Variants in MAP1LC3B observed in about 807,000 individuals in gnomAD.
MAP1LC3B encodes the protein microtubule-associated protein 1 light chain 3 beta.
In MAP1LC3B, 12 loss-of-function variants were observed where a neutral mutation model predicts 16.7. The observed-to-expected ratio is 0.72, with a 90% confidence interval of 0.46 to 1.16. The LOEUF is 1.16. Among genes scored for constraint, MAP1LC3B ranks in the 50% most tolerant of loss-of-function variants. The pLI, the probability that MAP1LC3B is intolerant of heterozygous loss-of-function variation, is 0.00. For synonymous variants in MAP1LC3B, 63 were observed against 56.5 expected (o/e 1.11, Z -0.51); for missense variants, 155 against 159.5 (o/e 0.97, Z 0.15).
Position 87,403,091 on chromosome 16 carries a change from A to T in MAP1LC3B, c.372A>T (p.Ser124=), listed in dbSNP as rs1908053622. 6.2e-7 allele frequency: 1 copy of T among 1,603,760 alleles called. No homozygotes were observed. Residue 124 remains serine, a synonymous_variant, in exon 4 of 4, where the codon TCA becomes TCT. Coordinates refer to ENST00000268607, the MANE Select transcript of MAP1LC3B (RefSeq NM_022818.5). ...AGGAGACGTTCGGGATGAAATTGTC[A>T]GTGTAAAACCAGAAAAAATGCAGCT... is the stretch of plus-strand genomic sequence containing the variant. The part of the protein sequence containing the change: ...ASQETFGMKL[S]V
At chr16:87,400,934 A>G (rs1907970664) in intron 2 of MAP1LC3B, among the ~76,000 whole-genome samples, 1 of 152,026 alleles carries the variant, frequency 6.6e-6, no homozygotes, top group African/African-American at 2.4e-5. Flanking sequence ...GGGGTTCGAG[A>G]CCAGCCTGAC....
intron 1 of MAP1LC3B, among the ~76,000 whole-genome samples, chr16:87,395,046 G>C (rs918845258): frequency 9.2e-5 from 14 of 152,162 alleles, no homozygotes; most frequent in African/African-American, 3.4e-4. Flanking sequence ...CGCCTGGCCT[G>C]GGGGAGGGGG....
At chr16:87,394,115 C>A (rs1907715280) in intron 1 of MAP1LC3B, among the ~76,000 whole-genome samples, 1 of 152,020 alleles carries the variant, frequency 6.6e-6, no homozygotes, top group Non-Finnish European at 1.5e-5. Flanking sequence ...ATTTTTTTCC[C>A]ATTGATGTAT....
chr16:87,398,030 T>G (rs1907866105), intron 1 of MAP1LC3B, among the ~76,000 whole-genome samples: 1 of 151,998 alleles, frequency 6.6e-6, no homozygotes, highest in Non-Finnish European at 1.5e-5. Flanking sequence ...AAAGAATTTT[T>G]TTTTTTTTTT....
At chr16:87,396,587 A>G (rs1364952957) in intron 1 of MAP1LC3B, 1 of 152,158 alleles carries the variant, frequency 6.6e-6, no homozygotes, top group Non-Finnish European at 1.5e-5. Flanking sequence ...GGTATCACTT[A>G]TTCGCTGGAG....
chr16:87,395,284 A>G (rs899955180), intron 1 of MAP1LC3B, among the ~76,000 whole-genome samples: 4 of 152,176 alleles, frequency 2.6e-5, no homozygotes, highest in African/African-American at 9.7e-5. Flanking sequence ...TTTGCTGTGC[A>G]TGTGGAGCCG....
At chr16:87,401,052 G>GA (rs1907974933) in intron 2 of MAP1LC3B, among the ~76,000 whole-genome samples, 1 of 143,756 alleles carries the variant, frequency 7.0e-6, no homozygotes, top group Non-Finnish European at 1.5e-5. Context: ...AGAATTGCTT[G>GA]AACCCGGGAG....
At chr16:87,401,728 C>A (rs1048604910) in intron 2 of MAP1LC3B, among the ~76,000 whole-genome samples, 5 of 152,094 alleles carry the variant, frequency 3.3e-5, no homozygotes, top group Non-Finnish European at 7.4e-5. Flanking sequence ...CGGGGTTTTG[C>A]CATGTTGACC....
intron 1 of MAP1LC3B, chr16:87,392,921 G>T (rs1907649168): frequency 1.3e-5 from 2 of 152,186 alleles, no homozygotes; most frequent in South Asian, 4.1e-4. Context: ...GCGGGGCTGC[G>T]CCGGGACCCA....
At chr16:87,399,627 T>C (rs1032775035) in intron 2 of MAP1LC3B, 7 of 455,726 alleles carry the variant, frequency 1.5e-5, no homozygotes, top group African/African-American at 1.4e-4. Context: ...ATAGAAAAGA[T>C]GTCCGCAGCG....
At position 87,402,408 on chromosome 16, in the gene MAP1LC3B, CTGATTCAGTTA is replaced by C. The variant is rs537920119; in HGVS notation, c.203+133_203+143del. 426 of 874,106 alleles carry C rather than the reference CTGATTCAGTTA, an allele frequency of 4.9e-4. 3 individuals carry two copies. In the African/African-American group the frequency reaches 6.6e-3, roughly 14 times the overall value. The allele number at this position is 874,106 out of a possible 1,614,324, so 54.1% of individuals were successfully genotyped here. On this transcript the variant is annotated intron_variant, in intron 3 of 3. Coordinates refer to ENST00000268607, the MANE Select transcript of MAP1LC3B (RefSeq NM_022818.5). ...AAATATTTTTCAGCTGAATTCAGTTCTGATTCAGTTATGATTAAAACAATTTCAACTTAAAC... is the reference window on the plus strand; with the variant it reads ...AAATATTTTTCAGCTGAATTCAGTTCTGATTAAAACAATTTCAACTTAAAC...
chr16:87,402,115 G>A (rs1908015574), intron 2 of MAP1LC3B, 60 bp from the exon 3 acceptor site: 15 of 1,577,978 alleles, frequency 9.5e-6, no homozygotes, highest in Non-Finnish European at 1.1e-5. Context: ...GGTTACAGGT[G>A]TGAGCCACCG....
rs776214251 is a variant in MAP1LC3B, at chr16:87,402,310, ATTTCC to A, written c.203+33_203+37del. ...TTCAGTCACCTTTGTTTCATAATAT[ATTTCC>A]TTTGAGTAACTTCTTATTCTTTATG... On this transcript the variant is annotated intron_variant, in intron 3 of 3. Transcript: ENST00000268607. The A allele has an allele frequency of 3.8e-6, 6 of 1,590,532 alleles. 1 individual carries two copies. In the African/African-American group the frequency reaches 5.4e-5, roughly 14 times the overall value.
chr16:87,393,438 G>C (rs1439990372), intron 1 of MAP1LC3B: 1 of 152,246 alleles, frequency 6.6e-6, no homozygotes, highest in Non-Finnish European at 1.5e-5. Context: ...GGTGCTGTTT[G>C]TCTGCTTTTG....
At chr16:87,398,148 G>T (rs759358855) in intron 1 of MAP1LC3B, among the ~76,000 whole-genome samples, 1 of 151,696 alleles carries the variant, frequency 6.6e-6, no homozygotes, top group African/African-American at 2.4e-5. Context: ...TCAGCCTCCC[G>T]AGTAGCTGGG....
chr16:87,393,851 C>T (rs980576443), intron 1 of MAP1LC3B, among the ~76,000 whole-genome samples: 5 of 152,324 alleles, frequency 3.3e-5, no homozygotes, highest in South Asian at 2.1e-4. Context: ...AGCGATCCAG[C>T]GGCCCCCCTC....
chr16:87,393,787 C>T (rs1367819718), intron 1 of MAP1LC3B, among the ~76,000 whole-genome samples: 1 of 152,172 alleles, frequency 6.6e-6, no homozygotes, highest in African/African-American at 2.4e-5. Context: ...GTCACCTGGG[C>T]TGGAGTGCAG....
At chr16:87,395,968 C>T (rs1365015001) in intron 1 of MAP1LC3B, among the ~76,000 whole-genome samples, 1 of 143,658 alleles carries the variant, frequency 7.0e-6, no homozygotes. Context: ...TCAAGTGATT[C>T]TCCTGCCTTA....
rs924624567 is a variant in MAP1LC3B, at chr16:87,404,615, T to C, written c.*1518T>C. 1.3e-5 allele frequency: 2 copies of C among 152,208 alleles called. No homozygotes were observed. The highest frequency in any genetic ancestry group is 1.5e-5 in the Non-Finnish European group (1 of 68,038). The allele number at this position is 152,208 out of a possible 1,614,324, so 9.4% of individuals were successfully genotyped here. ...ATATCTGACATTATTGTAACTACCG[T>C]GTGATCAGTAAGATTCCTGTAAGAA... On this transcript the variant is annotated 3_prime_UTR_variant, in exon 4 of 4. Coordinates refer to ENST00000268607, the MANE Select transcript of MAP1LC3B (RefSeq NM_022818.5).
Sources: allele counts gnomAD v4.1 joint callset (sites outside exome capture counted in the v4.1 genomes callset), GRCh38; gene constraint gnomAD v4.1.1; transcripts MANE v1.5; gene names NCBI Gene and HGNC (gene_info 2026-07-23, HGNC 2026-07-21).